The following SVOPL variants were observed in gnomAD, a reference collection of about 807,000 sequenced individuals.
SVOPL encodes the protein putative transporter SVOPL.
SVOPL carries 60 observed loss-of-function variants against 61.0 expected under a neutral mutation model. The ratio of observed to expected loss-of-function variants is 0.98; its 90% CI spans 0.80 to 1.22. The LOEUF (loss-of-function observed/expected upper bound fraction) is 1.22. Ranked by LOEUF, SVOPL falls within the 50% of genes most tolerant of loss-of-function variation. The probability of loss-of-function intolerance (pLI) is 0.00; values close to 1 mark genes in which losing one functional copy is unlikely to be tolerated. For synonymous variants in SVOPL, 279 were observed against 250.0 expected (o/e 1.12, Z -1.09); for missense variants, 662 against 643.9 (o/e 1.03, Z -0.30).
intron 1 of SVOPL, among the ~76,000 whole-genome samples, chr7:138,680,800 G>A (rs141312038): frequency 3.9e-5 from 6 of 151,946 alleles, no homozygotes; most frequent in Non-Finnish European, 5.9e-5. Context: ...GGATGGTCTC[G>A]ATCTCCTGAC....
At chr7:138,654,181 T>G (rs1275491685) in intron 7 of SVOPL, among the ~76,000 whole-genome samples, 1 of 148,960 alleles carries the variant, frequency 6.7e-6, no homozygotes, top group Non-Finnish European at 1.5e-5. Flanking sequence ...AAATAAACAC[T>G]CAGAAGAAAT....
At chr7:138,663,361 C>T in intron 4 of SVOPL, 2 of 1,408,176 alleles carry the variant, frequency 1.4e-6, no homozygotes, top group Non-Finnish European at 1.8e-6. Flanking sequence ...CAGATCCTGC[C>T]CCAGGTGGAA....
intron 4 of SVOPL, among the ~76,000 whole-genome samples, chr7:138,664,646 T>C (rs1256243416): frequency 1.7e-5 from 2 of 115,074 alleles, no homozygotes; most frequent in South Asian, 3.2e-4. Context: ...GCACCCCCGA[T>C]CCTCCATCGG....
chr7:138,608,064 A>G (rs1177887614), intron 14 of SVOPL, among the ~76,000 whole-genome samples: 1 of 152,230 alleles, frequency 6.6e-6, no homozygotes, highest in African/African-American at 2.4e-5. Context: ...AGCAAGACAC[A>G]TAGGATCTAT....
intron 6 of SVOPL, among the ~76,000 whole-genome samples, chr7:138,658,048 GCTTTGGTCGCCAT>G (rs1801831008): frequency 6.6e-6 from 1 of 152,182 alleles, no homozygotes; most frequent in African/African-American, 2.4e-5. Flanking sequence ...ATCAGAGCTC[GCTTTGGTCGCCAT>G]CTTGGTTTTA....
intron 1 of SVOPL, among the ~76,000 whole-genome samples, chr7:138,685,420 C>A (rs1350910327): frequency 6.6e-6 from 1 of 151,940 alleles, no homozygotes; most frequent in Non-Finnish European, 1.5e-5. Flanking sequence ...ATAGTGGATG[C>A]CATTCTGAGT....
intron 13 of SVOPL, among the ~76,000 whole-genome samples, chr7:138,624,101 T>C (rs1213816341): frequency 6.6e-6 from 1 of 152,194 alleles, no homozygotes; most frequent in Non-Finnish European, 1.5e-5. Context: ...ATTACAGGCG[T>C]GAGCCACTGC....
intron 1 of SVOPL, among the ~76,000 whole-genome samples, chr7:138,685,662 C>G (rs1359632981): frequency 6.6e-6 from 1 of 151,952 alleles, no homozygotes; most frequent in Non-Finnish European, 1.5e-5. Context: ...GAATTTGAGA[C>G]CAGCCTGGCC....
chr7:138,658,257 C>T (rs934459236), intron 6 of SVOPL, among the ~76,000 whole-genome samples: 1 of 152,148 alleles, frequency 6.6e-6, no homozygotes, highest in Non-Finnish European at 1.5e-5. Context: ...AAGATGGAGT[C>T]ACTCTAGTTC....
At chr7:138,648,899 A>G (rs1795383811) in intron 8 of SVOPL, 113 bp downstream of exon 8, 2 of 1,497,892 alleles carry the variant, frequency 1.3e-6, no homozygotes, top group Non-Finnish European at 1.8e-6. Flanking sequence ...TGCAGCCTGG[A>G]CAACAAAGAG....
In SVOPL at chr7:138,620,902, C is replaced by T. The variant is rs925447685; in HGVS notation, c.1353+144G>A. ...TTTAGCCTCTCTCTCTACCTAAATC[C>T]ACCAAACAGCAGGGAAACGGCACCT... On this transcript the variant is annotated intron_variant, in intron 14 of 15. Transcript: ENST00000674285. The T allele has an allele frequency of 1.8e-5, 14 of 760,188 alleles. No individual in the cohort carries two copies. In the Admixed American group the frequency reaches 3.6e-4, roughly 20 times the overall value. The allele number at this position is 760,188 out of a possible 1,614,324, so 47.1% of individuals were successfully genotyped here.
chr7:138,629,153 G>GTGTGTGTATATA (rs10624737), intron 10 of SVOPL, among the ~76,000 whole-genome samples: 45 of 147,282 alleles, frequency 3.1e-4, no homozygotes, highest in African/African-American at 1.1e-3. Context: ...GTGTGTGTGT[G>GTGTGTGTATATA]TATATATGTA....
chr7:138,659,344 T>A (rs1166082776), intron 6 of SVOPL, among the ~76,000 whole-genome samples: 3 of 151,970 alleles, frequency 2.0e-5, no homozygotes, highest in Non-Finnish European at 4.4e-5. Context: ...ATACAAAAAA[T>A]TAGCCGGGCA....
chr7:138,605,576 C>T (rs1798719828), intron 14 of SVOPL, among the ~76,000 whole-genome samples: 1 of 147,728 alleles, frequency 6.8e-6, no homozygotes, highest in Admixed American at 6.9e-5. Flanking sequence ...GCAGGAGAAT[C>T]GCTTGAACCT....
At chr7:138,685,287 G>A (rs748314156) in intron 1 of SVOPL, among the ~76,000 whole-genome samples, 5 of 152,136 alleles carry the variant, frequency 3.3e-5, no homozygotes, top group Admixed American at 1.3e-4. Flanking sequence ...TCTGCAACAA[G>A]GTGGATGAAA....
intron 14 of SVOPL, among the ~76,000 whole-genome samples, chr7:138,604,370 T>C (rs1563082031): frequency 6.6e-6 from 1 of 152,202 alleles, no homozygotes; most frequent in African/African-American, 2.4e-5. Flanking sequence ...ATCTTGTTAA[T>C]ATAAAATATG....
intron 14 of SVOPL, among the ~76,000 whole-genome samples, chr7:138,607,403 C>T (rs1798806943): frequency 2.0e-5 from 3 of 152,092 alleles, no homozygotes; most frequent in Admixed American, 2.0e-4. Context: ...GAAGACAAGT[C>T]ACAAAGACAT....
chr7:138,675,564 A>G (rs2117116421), intron 3 of SVOPL, among the ~76,000 whole-genome samples: 1 of 152,076 alleles, frequency 6.6e-6, no homozygotes, highest in East Asian at 1.9e-4. Context: ...CCATGTTGAT[A>G]AGATTGGTCT....
intron 8 of SVOPL, 30 bp from the exon 9 acceptor site, chr7:138,644,875 T>C (rs767069075): frequency 5.0e-6 from 8 of 1,613,862 alleles, no homozygotes; most frequent in Non-Finnish European, 6.8e-6. Context: ...AACATCAGAG[T>C]GGCCACTGCT....
Sources: gnomAD v4.1 joint callset for allele counts (sites outside exome capture counted in the v4.1 genomes callset) on GRCh38, gnomAD v4.1.1 for gene constraint, MANE v1.5 for transcripts, NCBI Gene and HGNC (gene_info 2026-07-23, HGNC 2026-07-21) for gene names.